HDAC8: variants seen among roughly 807,000 people sequenced by gnomAD.
The protein encoded by HDAC8 is histone deacetylase-like 1.
In HDAC8, 1 loss-of-function variant was observed where a neutral mutation model predicts 32.2. The ratio of observed to expected loss-of-function variants is 0.03; its 90% confidence interval spans 0.01 to 0.15. The LOEUF is 0.15. Ranked by LOEUF, HDAC8 falls within the 10% of genes least tolerant of loss-of-function variation. HDAC8 has a pLI of 1.00. For synonymous variants in HDAC8, 108 were observed against 113.9 expected (o/e 0.95, Z 0.33); for missense variants, 117 against 300.0 (o/e 0.39, Z 4.51).
chrX:72,490,872 G>T, intron 6 of HDAC8, 57 bp downstream of exon 6: 1 of 878,774 alleles, frequency 1.1e-6, no homozygotes, highest in Non-Finnish European at 1.7e-6. Context: ...TAAGAAATGT[G>T]TAGAAGAATT....
chrX:72,481,497 A>G (rs1556003090), intron 7 of HDAC8, among the ~76,000 whole-genome samples: 1 of 111,817 alleles, frequency 8.9e-6, no homozygotes, highest in Non-Finnish European at 1.9e-5. Flanking sequence ...CGCTTAAAAT[A>G]GTTATTTATG....
At chrX:72,519,838 C>T (rs1226371865) in intron 4 of HDAC8, among the ~76,000 whole-genome samples, 2 of 111,894 alleles carry the variant, frequency 1.8e-5, no homozygotes, top group Non-Finnish European at 3.8e-5. Flanking sequence ...AATCCATCTG[C>T]CTCAGCCTCC....
intron 9 of HDAC8, among the ~76,000 whole-genome samples, chrX:72,384,986 T>C (rs1427320577): frequency 1.8e-5 from 2 of 112,450 alleles, no homozygotes; most frequent in Admixed American, 1.9e-4. Flanking sequence ...ACATTGTTTT[T>C]CAACTTTTAC....
intron 9 of HDAC8, among the ~76,000 whole-genome samples, chrX:72,441,785 G>C (rs1387351953): frequency 9.0e-6 from 1 of 111,379 alleles, no homozygotes; most frequent in Non-Finnish European, 1.9e-5. Context: ...TAAAAACTTT[G>C]AAAAAAATTT....
At chrX:72,549,255 C>T (rs1201146124) in intron 4 of HDAC8, among the ~76,000 whole-genome samples, 2 of 109,077 alleles carry the variant, frequency 1.8e-5, no homozygotes, top group Non-Finnish European at 3.8e-5. Flanking sequence ...TTTCTTTTTC[C>T]ACCCCGTTTT....
intron 9 of HDAC8, among the ~76,000 whole-genome samples, chrX:72,386,803 G>A (rs1277719116): frequency 1.8e-5 from 2 of 111,684 alleles, no homozygotes; most frequent in African/African-American, 6.5e-5. Flanking sequence ...TCTTTACCCT[G>A]TGTCATCTCT....
intron 9 of HDAC8, among the ~76,000 whole-genome samples, chrX:72,435,174 A>G (rs1382294406): frequency 8.9e-6 from 1 of 111,891 alleles, no homozygotes; most frequent in African/African-American, 3.3e-5. Flanking sequence ...AATCAAAATC[A>G]GGCAGAAGTA....
intron 9 of HDAC8, among the ~76,000 whole-genome samples, chrX:72,423,059 TTAAAA>T (rs1239887874): frequency 5.4e-5 from 6 of 111,584 alleles, no homozygotes; most frequent in African/African-American, 1.3e-4. Flanking sequence ...ACCCCTGAAC[TTAAAA>T]TAAAAGTTAA....
At chrX:72,521,506 G>A (rs1213026452) in intron 4 of HDAC8, among the ~76,000 whole-genome samples, 3 of 110,859 alleles carry the variant, frequency 2.7e-5, no homozygotes, top group Admixed American at 9.6e-5. Context: ...TGAGAGAAAC[G>A]GCTGATTCCA....
chrX:72,527,478 T>C (rs781967546), intron 4 of HDAC8, among the ~76,000 whole-genome samples: 1 of 111,985 alleles, frequency 8.9e-6, no homozygotes, highest in African/African-American at 3.2e-5. Flanking sequence ...CAGTTGACCA[T>C]GAACTTCTTG....
chrX:72,392,270 C>T (rs1390413838), intron 9 of HDAC8, among the ~76,000 whole-genome samples: 2 of 111,948 alleles, frequency 1.8e-5, no homozygotes, highest in Non-Finnish European at 3.8e-5. Flanking sequence ...ACCATCCACC[C>T]CTGCCAGCTT....
chrX:72,417,598 T>C (rs1252703810), intron 9 of HDAC8, among the ~76,000 whole-genome samples: 1 of 112,082 alleles, frequency 8.9e-6, no homozygotes, highest in Non-Finnish European at 1.9e-5. Context: ...AAACATTCCA[T>C]GCTCAGATAG....
At chrX:72,563,523 C>G (rs2051658894) in intron 4 of HDAC8, among the ~76,000 whole-genome samples, 1 of 111,451 alleles carries the variant, frequency 9.0e-6, no homozygotes, top group Admixed American at 9.5e-5. Flanking sequence ...GCCTGGGCGA[C>G]AGAGCAAGAC....
intron 9 of HDAC8, among the ~76,000 whole-genome samples, chrX:72,411,013 C>T (rs1441629461): frequency 3.3e-5 from 3 of 90,006 alleles, no homozygotes; most frequent in African/African-American, 1.3e-4. Context: ...CAGCTCTTTC[C>T]CACCTTTTCT....
At chrX:72,392,377 A>T (rs2045634963) in intron 9 of HDAC8, among the ~76,000 whole-genome samples, 1 of 111,714 alleles carries the variant, frequency 9.0e-6, no homozygotes. Flanking sequence ...TGGAGGAAAA[A>T]ATACACCAGA....
intron 4 of HDAC8, among the ~76,000 whole-genome samples, chrX:72,514,507 A>C (rs781863730): frequency 4.6e-4 from 52 of 112,429 alleles, no homozygotes; most frequent in African/African-American, 1.5e-3. Flanking sequence ...TAAGCAGCAG[A>C]AGTTTTTCTC....
At chrX:72,462,176 G>A in intron 8 of HDAC8, 78 bp from the exon 9 acceptor site, 1 of 774,688 alleles carries the variant, frequency 1.3e-6, no homozygotes, top group Non-Finnish European at 1.9e-6. Context: ...TAAGGAAAGA[G>A]AGAAAAATGT....
chrX:72,361,664 A>C (rs1052953110), intron 9 of HDAC8, among the ~76,000 whole-genome samples: 1 of 109,364 alleles, frequency 9.1e-6, no homozygotes, highest in Non-Finnish European at 1.9e-5. Flanking sequence ...GTGCACATGA[A>C]TGCATTGTAC....
intron 8 of HDAC8, among the ~76,000 whole-genome samples, chrX:72,462,862 C>T (rs998097247): frequency 8.9e-6 from 1 of 111,913 alleles, no homozygotes; most frequent in South Asian, 3.7e-4. Context: ...CTAATCTCAA[C>T]GCAGCCTAAG....
Sources: gnomAD v4.1 joint callset for allele counts (sites outside exome capture counted in the v4.1 genomes callset) on GRCh38, gnomAD v4.1.1 for gene constraint, MANE v1.5 for transcripts, NCBI Gene and HGNC (gene_info 2026-07-23, HGNC 2026-07-21) for gene names.